The following ZRANB3 variants were observed in gnomAD, a reference collection of about 807,000 sequenced individuals.
The protein encoded by ZRANB3 is DNA annealing helicase and endonuclease ZRANB3.
ZRANB3 carries 125 observed loss-of-function variants against 133.8 expected under a neutral mutation model. The ratio of observed to expected loss-of-function variants is 0.93; its 90% CI spans 0.81 to 1.08. The LOEUF is 1.08. Ranked by LOEUF, ZRANB3 falls within the 50% of genes least tolerant of loss-of-function variation. ZRANB3 has a pLI of 0.00. For missense variants in ZRANB3, 1,229 were observed against 1,275.5 expected (o/e 0.96, Z 0.56); for synonymous variants, 387 against 432.7 (o/e 0.89, Z 1.31).
intron 2 of ZRANB3, among the ~76,000 whole-genome samples, chr2:135,418,289 A>G (rs1486200295): frequency 6.6e-6 from 1 of 152,198 alleles, no homozygotes; most frequent in African/African-American, 2.4e-5. Context: ...TTTTACATGA[A>G]GGACATGAGC....
Position 135,228,011 on chromosome 2 carries a change from C to A in ZRANB3, c.1959G>T (p.Met653Ile). The A allele has an allele frequency of 6.6e-7, 1 of 1,525,504 alleles. No individual in the cohort carries two copies. The highest frequency in any genetic ancestry group is 8.8e-7 in the Non-Finnish European group (1 of 1,137,466). 94.5% of individuals were successfully genotyped at this position (1,525,504 alleles called of 1,614,324 possible). Residue 653 changes from methionine (M) to isoleucine (I), a missense_variant, in exon 14 of 21, where the codon ATG (methionine) becomes ATT (isoleucine). Met to Ile is a conservative substitution (Grantham distance 10). Coordinates refer to ENST00000264159, the MANE Select transcript of ZRANB3 (RefSeq NM_032143.4). ...MCETPQGSAVMQIDSLNHIQD... is the reference protein window; with the variant it reads ...MCETPQGSAVIQIDSLNHIQD... Reference sequence around the variant, plus strand: ...GGATATGGTTGAGGCTATCTATTTGCATAACTATTAAAATAAAAATTATTA... The same window carrying A: ...GGATATGGTTGAGGCTATCTATTTGAATAACTATTAAAATAAAAATTATTA...
chr2:135,458,106 T>G (rs1028706789), intron 2 of ZRANB3, among the ~76,000 whole-genome samples: 9 of 152,134 alleles, frequency 5.9e-5, no homozygotes, highest in African/African-American at 2.2e-4. Context: ...CTTCGTACTT[T>G]TGTATGTGAG....
intron 3 of ZRANB3, among the ~76,000 whole-genome samples, chr2:135,381,696 C>T (rs1303280480): frequency 1.3e-5 from 2 of 152,210 alleles, no homozygotes; most frequent in African/African-American, 2.4e-5. Context: ...CCAATATCCA[C>T]TGTTCTGCAG....
At chr2:135,436,088 T>A (rs1200016624) in intron 2 of ZRANB3, among the ~76,000 whole-genome samples, 1 of 152,238 alleles carries the variant, frequency 6.6e-6, no homozygotes, top group African/African-American at 2.4e-5. Flanking sequence ...ACTGCCTAGA[T>A]TGTCTTCCAG....
chr2:135,310,294 T>C (rs548525340), intron 8 of ZRANB3, among the ~76,000 whole-genome samples: 107 of 152,292 alleles, frequency 7.0e-4, no homozygotes, highest in African/African-American at 2.3e-3. Context: ...GGCTGATGAA[T>C]AGACCAATGA....
chr2:135,445,972 A>G (rs2104998962), intron 2 of ZRANB3, among the ~76,000 whole-genome samples: 1 of 151,490 alleles, frequency 6.6e-6, no homozygotes, highest in African/African-American at 2.4e-5. Context: ...TGGGAGGCTG[A>G]GGCGGGTGGA....
intron 4 of ZRANB3, among the ~76,000 whole-genome samples, chr2:135,351,096 T>G (rs1285509188): frequency 6.6e-6 from 1 of 151,924 alleles, no homozygotes; most frequent in East Asian, 1.9e-4. Context: ...CTAAGACATA[T>G]CACTTTTGCA....
chr2:135,454,043 T>C (rs948689099), intron 2 of ZRANB3, among the ~76,000 whole-genome samples: 1 of 152,202 alleles, frequency 6.6e-6, no homozygotes, highest in African/African-American at 2.4e-5. Context: ...ACTTCTTACA[T>C]GGTGGCAGCA....
chr2:135,527,079 G>C (rs1039705745), intron 1 of ZRANB3, among the ~76,000 whole-genome samples: 3 of 152,110 alleles, frequency 2.0e-5, no homozygotes, highest in African/African-American at 7.2e-5. Flanking sequence ...AAACCAAGCT[G>C]TACCCCAACC....
At chr2:135,257,674 T>G (rs1331588494) in intron 12 of ZRANB3, among the ~76,000 whole-genome samples, 1 of 152,240 alleles carries the variant, frequency 6.6e-6, no homozygotes, top group Non-Finnish European at 1.5e-5. Flanking sequence ...ATAATCTTAA[T>G]AGATGTTTAT....
intron 2 of ZRANB3, among the ~76,000 whole-genome samples, chr2:135,450,862 A>G (rs1690237848): frequency 6.6e-6 from 1 of 152,222 alleles, no homozygotes; most frequent in Non-Finnish European, 1.5e-5. Flanking sequence ...AGACAATTAA[A>G]GTTCACATGA....
At chr2:135,365,797 G>A (rs750923231) in intron 3 of ZRANB3, among the ~76,000 whole-genome samples, 6 of 152,216 alleles carry the variant, frequency 3.9e-5, no homozygotes, top group East Asian at 1.9e-4. Flanking sequence ...TAATTACAGC[G>A]TGATGCTTTA....
chr2:135,309,066 T>C (rs1419923018), intron 8 of ZRANB3, among the ~76,000 whole-genome samples: 2 of 151,002 alleles, frequency 1.3e-5, no homozygotes, highest in Non-Finnish European at 2.9e-5. Context: ...CTGCAAGCGC[T>C]GCCTCCTGGG....
intron 7 of ZRANB3, 94 bp downstream of exon 7, chr2:135,315,265 C>T (rs1313131832): frequency 1.7e-6 from 2 of 1,210,000 alleles, no homozygotes; most frequent in Non-Finnish European, 2.1e-6. Context: ...GAAAGCAAAC[C>T]TTTCCTTCTG....
At chr2:135,290,589 T>G (rs1681641813) in intron 8 of ZRANB3, among the ~76,000 whole-genome samples, 1 of 152,236 alleles carries the variant, frequency 6.6e-6, no homozygotes, top group African/African-American at 2.4e-5. Context: ...TTAGGCCATT[T>G]ACAGTCAACG....
chr2:135,505,916 T>C (rs1693161427), intron 1 of ZRANB3, among the ~76,000 whole-genome samples: 1 of 152,200 alleles, frequency 6.6e-6, no homozygotes, highest in African/African-American at 2.4e-5. Context: ...AAGAGAGTAC[T>C]GGTCACTTTA....
intron 3 of ZRANB3, among the ~76,000 whole-genome samples, chr2:135,378,416 C>A (rs1462045831): frequency 6.6e-6 from 1 of 151,850 alleles, no homozygotes; most frequent in Non-Finnish European, 1.5e-5. Flanking sequence ...TTGCTTGAAC[C>A]CGGGAGACAG....
chr2:135,457,343 T>C (rs1690569852), intron 2 of ZRANB3, among the ~76,000 whole-genome samples: 1 of 152,208 alleles, frequency 6.6e-6, no homozygotes, highest in Non-Finnish European at 1.5e-5. Context: ...CTGGATTATG[T>C]GGTAACTTTA....
rs1296923989 is a variant in ZRANB3 at position 135,349,972 on chromosome 2, G to T, written c.591+12C>A. ...CTCTTCTTTTAAGTTCGAAGTATAA[G>T]GATTGTAATACCTCTTCAGGCCTTC... is the stretch of plus-strand genomic sequence containing the variant. On this transcript the variant is annotated intron_variant, in intron 5 of 20. Coordinates refer to ENST00000264159, the MANE Select transcript of ZRANB3 (RefSeq NM_032143.4). 1 of 1,610,946 alleles carries T rather than the reference G, an allele frequency of 6.2e-7. No individual in the cohort carries two copies.
Sources: allele counts gnomAD v4.1 joint callset (sites outside exome capture counted in the v4.1 genomes callset), GRCh38; gene constraint gnomAD v4.1.1; transcripts MANE v1.5; gene names NCBI Gene and HGNC (gene_info 2026-07-23, HGNC 2026-07-21).